NAALADL2: variants seen among roughly 807,000 people sequenced by gnomAD.
NAALADL2 encodes the protein N-acetylated alpha-linked acidic dipeptidase like 2, also known as inactive N-acetylated-alpha-linked acidic dipeptidase-like protein 2.
In NAALADL2, 76 loss-of-function variants were observed where a neutral mutation model predicts 87.2. That is an observed-to-expected ratio of 0.87 (90% CI 0.72 to 1.05). NAALADL2 has a LOEUF of 1.05. NAALADL2 is among the 50% of genes least tolerant of loss of function. The pLI is 0.00. For synonymous variants in NAALADL2, 354 were observed against 331.0 expected, an observed-to-expected ratio of 1.07 and a Z score of -0.75; for missense variants, 1,089 against 945.8, an observed-to-expected ratio of 1.15 and a Z score of -1.99.
chr3:175,061,764 C>T (rs1014637005), intron 1 of NAALADL2, among the ~76,000 whole-genome samples: 1 of 139,374 alleles, frequency 7.2e-6, no homozygotes, highest in African/African-American at 2.6e-5. Flanking sequence ...GTTTTATACA[C>T]CACAAAATTA....
intron 5 of NAALADL2, among the ~76,000 whole-genome samples, chr3:175,394,918 A>T (rs747660869): frequency 6.6e-6 from 1 of 152,110 alleles, no homozygotes; most frequent in Admixed American, 6.5e-5. Context: ...GATTTTAGCA[A>T]TCTCAGCATG....
Position 175,292,160 on chromosome 3 carries a change from A to C in NAALADL2, c.940-32015A>C, listed in dbSNP as rs1057316370. Among the ~76,000 whole-genome samples, 4 of 152,356 alleles carry C rather than the reference A, an allele frequency of 2.6e-5. No homozygotes were observed. In the East Asian group the frequency reaches 7.7e-4, roughly 29 times the overall value. Reference sequence around the variant, plus strand: ...CGTTTGTCATTTGAGTAAATGCACCAGGCATCAGTCTGTTGACTGTATATG... The same window carrying C: ...CGTTTGTCATTTGAGTAAATGCACCCGGCATCAGTCTGTTGACTGTATATG... On this transcript the variant is annotated intron_variant, in intron 4 of 13. Transcript: ENST00000454872.
intron 9 of NAALADL2, among the ~76,000 whole-genome samples, chr3:175,498,130 G>T (rs1032024757): frequency 6.6e-6 from 1 of 152,040 alleles, no homozygotes; most frequent in East Asian, 1.9e-4. Flanking sequence ...GACTATTACA[G>T]ATAGCACAGT....
At chr3:174,968,951 C>T (rs894446650) in intron 1 of NAALADL2, among the ~76,000 whole-genome samples, 1 of 152,072 alleles carries the variant, frequency 6.6e-6, no homozygotes, top group African/African-American at 2.4e-5. Flanking sequence ...GCAATTCATC[C>T]GTATCATCTA....
chr3:175,625,752 G>A (rs1372002711), intron 10 of NAALADL2, among the ~76,000 whole-genome samples: 3 of 151,924 alleles, frequency 2.0e-5, no homozygotes, highest in African/African-American at 7.2e-5. Flanking sequence ...TCTTGGGCTA[G>A]CGCTGGAACT....
intron 5 of NAALADL2, among the ~76,000 whole-genome samples, chr3:175,349,278 A>G (rs763175286): frequency 4.6e-5 from 7 of 151,682 alleles, no homozygotes; most frequent in Non-Finnish European, 7.4e-5. Context: ...AGTTGAACCC[A>G]GATCTGAAGT....
intron 1 of NAALADL2, among the ~76,000 whole-genome samples, chr3:174,863,175 GC>G (rs1726712121): frequency 6.6e-6 from 1 of 152,122 alleles, no homozygotes; most frequent in South Asian, 2.1e-4. Flanking sequence ...TTTCACAGAA[GC>G]CATTGCCAGA....
intron 1 of NAALADL2, among the ~76,000 whole-genome samples, chr3:174,465,094 GTTT>G (rs1400314422): frequency 2.6e-5 from 4 of 151,888 alleles, no homozygotes; most frequent in Admixed American, 1.3e-4. Context: ...TTATATTAAT[GTTT>G]TTTAAATTTT....
chr3:174,567,602 A>G (rs1560061077), intron 2 of NAALADL2, among the ~76,000 whole-genome samples: 1 of 151,696 alleles, frequency 6.6e-6, no homozygotes, highest in Non-Finnish European at 1.5e-5. Flanking sequence ...TGATAGTATC[A>G]GAAGGCAATC....
intron 1 of NAALADL2, among the ~76,000 whole-genome samples, chr3:175,056,117 A>G (rs905950440): frequency 3.3e-5 from 5 of 152,088 alleles, no homozygotes; most frequent in African/African-American, 4.8e-5. Flanking sequence ...CTTTTTGCCC[A>G]GTGTCCTCCG....
At chr3:174,877,534 A>G (rs565295068) in intron 1 of NAALADL2, among the ~76,000 whole-genome samples, 2 of 152,244 alleles carry the variant, frequency 1.3e-5, no homozygotes, top group African/African-American at 4.8e-5. Context: ...CATTTTAAAT[A>G]TAACCACTTA....
At chr3:175,307,513 G>A (rs913148838) in intron 4 of NAALADL2, among the ~76,000 whole-genome samples, 1 of 152,124 alleles carries the variant, frequency 6.6e-6, no homozygotes, top group African/African-American at 2.4e-5. Flanking sequence ...GCAATCAGCT[G>A]TGAACATTTG....
chr3:175,171,832 C>T (rs1254492978), intron 2 of NAALADL2, among the ~76,000 whole-genome samples: 2 of 151,996 alleles, frequency 1.3e-5, no homozygotes, highest in South Asian at 2.1e-4. Flanking sequence ...CATGTTCTTA[C>T]TCATATGTGG....
intron 5 of NAALADL2, among the ~76,000 whole-genome samples, chr3:175,330,897 C>A (rs1259761728): frequency 1.3e-5 from 2 of 151,772 alleles, no homozygotes; most frequent in African/African-American, 4.8e-5. Context: ...AATAGATAAA[C>A]CACTGATTAG....
chr3:175,623,347 G>C (rs141933166), intron 10 of NAALADL2, among the ~76,000 whole-genome samples: 1 of 146,494 alleles, frequency 6.8e-6, no homozygotes, highest in Non-Finnish European at 1.5e-5. Context: ...AGTTAGTCCT[G>C]AACAGAGGAG....
chr3:175,018,004 G>T (rs1440053585), intron 1 of NAALADL2, among the ~76,000 whole-genome samples: 1 of 151,940 alleles, frequency 6.6e-6, no homozygotes, highest in African/African-American at 2.4e-5. Context: ...CTGGCTTAGG[G>T]TCGCATAAAA....
intron 5 of NAALADL2, among the ~76,000 whole-genome samples, chr3:175,378,885 G>A (rs9290551): frequency 0.36 from 54,008 of 152,006 alleles, 9,841 homozygotes; most frequent in East Asian, 0.53. Flanking sequence ...ACTTATAAAT[G>A]CAGGACATCA....
intron 1 of NAALADL2, among the ~76,000 whole-genome samples, chr3:174,540,549 A>G (rs963606582): frequency 2.0e-5 from 3 of 152,232 alleles, no homozygotes; most frequent in Admixed American, 6.5e-5. Context: ...TATGAAGGCT[A>G]TAACAGTCAA....
chr3:174,754,480 T>C (rs1053800923), intron 3 of NAALADL2, among the ~76,000 whole-genome samples: 3 of 151,326 alleles, frequency 2.0e-5, no homozygotes, highest in African/African-American at 7.3e-5. Context: ...TTTTTTTTTT[T>C]TTTTTTTAAA....
Sources: gnomAD v4.1 joint callset for allele counts (sites outside exome capture counted in the v4.1 genomes callset) on GRCh38, gnomAD v4.1.1 for gene constraint, MANE v1.5 for transcripts, NCBI Gene and HGNC (gene_info 2026-07-23, HGNC 2026-07-21) for gene names.